The following TMEM131L variants were observed in gnomAD, a reference collection of about 807,000 sequenced individuals.
The protein encoded by TMEM131L is transmembrane protein 131-like.
Under a neutral mutation model 192.2 loss-of-function variants are expected in TMEM131L, and 54 were observed. The ratio of observed to expected loss-of-function variants is 0.28; its 90% CI spans 0.23 to 0.35. The LOEUF is 0.35. TMEM131L is among the 10% of genes least tolerant of loss of function. The pLI is 1.00. For missense variants in TMEM131L, 1,888 were observed against 1,972.9 expected, an observed-to-expected ratio of 0.96 and a Z score of 0.82; for synonymous variants, 701 against 704.9, an observed-to-expected ratio of 0.99 and a Z score of 0.09.
chr4:153,589,887 T>C (rs2150822529), intron 16 of TMEM131L, among the ~76,000 whole-genome samples: 1 of 152,312 alleles, frequency 6.6e-6, no homozygotes, highest in South Asian at 2.1e-4. Flanking sequence ...GCACAGACTT[T>C]TGGCCGAGTC....
chr4:153,545,717 A>G (rs192802299), intron 3 of TMEM131L, among the ~76,000 whole-genome samples: 1 of 152,302 alleles, frequency 6.6e-6, no homozygotes, highest in Non-Finnish European at 1.5e-5. Context: ...TTTTTTCAAA[A>G]TAAGACATGT....
intron 3 of TMEM131L, among the ~76,000 whole-genome samples, chr4:153,530,160 T>TA (rs953970726): frequency 1.9e-4 from 29 of 152,066 alleles, no homozygotes; most frequent in African/African-American, 6.5e-4. Context: ...GTCCGGGAAA[T>TA]ACTGTGTAAA....
At chr4:153,588,788 G>T (rs1730871444) in intron 15 of TMEM131L, 102 bp from the exon 16 acceptor site, 2 of 664,560 alleles carry the variant, frequency 3.0e-6, no homozygotes, top group Non-Finnish European at 5.3e-6. Context: ...TAACTCTACA[G>T]TCCTCTCAGT....
At chr4:153,576,687 A>T (rs570880178) in intron 7 of TMEM131L, among the ~76,000 whole-genome samples, 1 of 152,166 alleles carries the variant, frequency 6.6e-6, no homozygotes, top group Admixed American at 6.5e-5. Flanking sequence ...AAAAAAAAAA[A>T]AAAACTTATA....
In TMEM131L at chr4:153,557,061, G is replaced by A. The variant is rs145797262; in HGVS notation, c.528G>A (p.Ser176=). The change falls in exon 6 of 35, where the codon TCG becomes TCA. Residue 176 remains serine (S), a synonymous_variant. Transcript: ENST00000409959. Reference sequence around the variant, plus strand: ...GTTCCTTATTTATTAATACCTCTTCGTATGGAGTCCTTTCCTATCATGTGA... The same window carrying A: ...GTTCCTTATTTATTAATACCTCTTCATATGGAGTCCTTTCCTATCATGTGA... ...IESSLFINTS[S]YGVLSYHVSG... 102 of 1,521,816 alleles carry A rather than the reference G, an allele frequency of 6.7e-5. No homozygotes were observed. The highest frequency in any genetic ancestry group is 3.1e-4 in the South Asian group (27 of 88,222). The allele number at this position is 1,521,816 out of a possible 1,614,324, so 94.3% of individuals were successfully genotyped here. A position where few individuals can be genotyped will look rare whatever the true frequency, so the allele number is the denominator to read the frequency against.
intron 30 of TMEM131L, among the ~76,000 whole-genome samples, chr4:153,627,346 A>G (rs1345944695): frequency 3.3e-5 from 5 of 152,146 alleles, no homozygotes; most frequent in Non-Finnish European, 7.4e-5. Flanking sequence ...TTAAAACCAC[A>G]GGTTACCTCA....
chr4:153,543,628 C>T (rs569211814), intron 3 of TMEM131L, among the ~76,000 whole-genome samples: 1 of 152,262 alleles, frequency 6.6e-6, no homozygotes, highest in South Asian at 2.1e-4. Flanking sequence ...GTGCAGGGAT[C>T]GATTTGAAGT....
intron 3 of TMEM131L, among the ~76,000 whole-genome samples, chr4:153,510,577 C>T (rs1734285557): frequency 6.6e-6 from 1 of 152,100 alleles, no homozygotes; most frequent in Admixed American, 6.5e-5. Context: ...CAAATGTTTC[C>T]CATTTTTGCA....
intron 26 of TMEM131L, among the ~76,000 whole-genome samples, chr4:153,616,462 T>C (rs1405104770): frequency 1.3e-5 from 2 of 152,260 alleles, no homozygotes; most frequent in African/African-American, 4.8e-5. Context: ...CTTACAAAAT[T>C]GTATAAATCT....
chr4:153,611,485 T>A (rs1357492611), intron 25 of TMEM131L, among the ~76,000 whole-genome samples: 2 of 152,236 alleles, frequency 1.3e-5, no homozygotes, highest in African/African-American at 2.4e-5. Flanking sequence ...AAAACTTATT[T>A]TAACCATTTT....
At chr4:153,492,077 C>A (rs1023088826) in intron 3 of TMEM131L, among the ~76,000 whole-genome samples, 1 of 152,034 alleles carries the variant, frequency 6.6e-6, no homozygotes, top group Non-Finnish European at 1.5e-5. Context: ...TCATAGCTCG[C>A]TGCAACCTTG....
intron 3 of TMEM131L, among the ~76,000 whole-genome samples, chr4:153,497,213 C>G (rs997749341): frequency 8.5e-5 from 13 of 152,142 alleles, no homozygotes; most frequent in Admixed American, 7.9e-4. Flanking sequence ...TTTGTCTCCC[C>G]TCTGAAGGAT....
Position 153,587,740 on chromosome 4 carries a change from A to G in TMEM131L, c.1483-2A>G. 6.2e-7 allele frequency: 1 copy of G among 1,602,620 alleles called. No homozygotes were observed. Among genetic ancestry groups the G allele is most frequent in the Non-Finnish European group, 8.6e-7 (1 of 1,169,574 alleles). ...TTATTCATATATTACTTTTCAATCT[A>G]GGAAGGGAGTCTGGGTTTTGAAGTG... On this transcript the variant is annotated splice_acceptor_variant, in intron 14 of 34. Transcript: ENST00000409959. LOFTEE classifies it high-confidence loss of function.
intron 21 of TMEM131L, 21 bp from the exon 22 acceptor site, chr4:153,602,131 T>C (rs199709481): frequency 1.1e-4 from 154 of 1,392,540 alleles, no homozygotes; most frequent in Non-Finnish European, 1.2e-4. Flanking sequence ...ATACTAAATA[T>C]CTTTTTTTGG....
intron 7 of TMEM131L, among the ~76,000 whole-genome samples, chr4:153,566,726 T>C (rs1938675393): frequency 6.6e-6 from 1 of 152,198 alleles, no homozygotes; most frequent in African/African-American, 2.4e-5. Flanking sequence ...TCACAATTAA[T>C]AGTTGGTTGT....
chr4:153,532,155 G>T (rs946432491), intron 3 of TMEM131L, among the ~76,000 whole-genome samples: 1 of 152,204 alleles, frequency 6.6e-6, no homozygotes, highest in African/African-American at 2.4e-5. Context: ...TAGGCAGAAT[G>T]ATTTTGCACT....
intron 7 of TMEM131L, among the ~76,000 whole-genome samples, chr4:153,575,640 A>G (rs573175099): frequency 6.6e-6 from 1 of 152,318 alleles, no homozygotes; most frequent in East Asian, 1.9e-4. Flanking sequence ...ATAATATGAA[A>G]TATATAAACT....
intron 3 of TMEM131L, among the ~76,000 whole-genome samples, chr4:153,493,730 CT>C (rs1039916383): frequency 3.3e-5 from 5 of 152,162 alleles, no homozygotes; most frequent in Non-Finnish European, 4.4e-5. Flanking sequence ...TAGCTGGTGA[CT>C]TTTGGTGAGT....
Position 153,603,926 on chromosome 4 carries a change from T to A in TMEM131L, c.2914T>A (p.Tyr972Asn), listed in dbSNP as rs1732029399. 6.2e-7 allele frequency: 1 copy of A among 1,613,950 alleles called. No homozygotes were observed. Among genetic ancestry groups the A allele is most frequent in the Non-Finnish European group, 8.5e-7 (1 of 1,179,992 alleles). The change falls in exon 25 of 35, where the codon TAT (tyrosine) becomes AAT (asparagine). Residue 972 changes from tyrosine to asparagine, a missense_variant. Physicochemically the swap from Tyr to Asn is moderately radical, Grantham distance 143. Coordinates refer to ENST00000409959, the MANE Select transcript of TMEM131L (RefSeq NM_001131007.2). ...TGCTGCAAAGAGGAGCCCAGCCACC[T>A]ATGGTCATTCTCAGAAGAAGCACAA... ...QNAAKRSPAT[Y>N]GHSQKKHKCS...
Sources: allele counts gnomAD v4.1 joint callset (sites outside exome capture counted in the v4.1 genomes callset), GRCh38; gene constraint gnomAD v4.1.1; transcripts MANE v1.5; gene names NCBI Gene and HGNC (gene_info 2026-07-23, HGNC 2026-07-21).